The following CLSTN2 variants were observed in gnomAD, a reference collection of about 807,000 sequenced individuals.
CLSTN2 encodes calsyntenin 2.
In CLSTN2, 48 loss-of-function variants were observed where a neutral mutation model predicts 101.2. That is an observed-to-expected ratio of 0.47 (90% CI 0.38 to 0.60). The LOEUF (loss-of-function observed/expected upper bound fraction) is 0.60, where lower values mean the gene tolerates loss of function less well. CLSTN2 is among the 20% of genes least tolerant of loss of function. CLSTN2 has a pLI of 0.00. For synonymous variants in CLSTN2, 481 were observed against 463.6 expected, an observed-to-expected ratio of 1.04 and a Z score of -0.48; for missense variants, 1,160 against 1,238.2, an observed-to-expected ratio of 0.94 and a Z score of 0.95.
intron 9 of CLSTN2, among the ~76,000 whole-genome samples, chr3:140,533,376 C>G (rs1432136184): frequency 6.6e-6 from 1 of 152,176 alleles, no homozygotes. Context: ...GACTTTGACT[C>G]TTCACCATGA....
At chr3:140,528,647 T>C (rs1247169825) in intron 8 of CLSTN2, among the ~76,000 whole-genome samples, 1 of 120,684 alleles carries the variant, frequency 8.3e-6, no homozygotes, top group African/African-American at 4.1e-5. Flanking sequence ...AAAAAAAAGA[T>C]GAATGAATAG....
At chr3:139,954,127 A>G (rs1935346077) in intron 1 of CLSTN2, among the ~76,000 whole-genome samples, 1 of 151,824 alleles carries the variant, frequency 6.6e-6, no homozygotes, top group Non-Finnish European at 1.5e-5. Context: ...TCCCCCTCCA[A>G]CCCTCCATCC....
chr3:140,311,448 G>A (rs551089469), intron 2 of CLSTN2, among the ~76,000 whole-genome samples: 83 of 149,794 alleles, frequency 5.5e-4, no homozygotes, highest in Non-Finnish European at 9.8e-4. Flanking sequence ...TGGGATTACA[G>A]GTGTGTGCCA....
At chr3:139,975,268 T>C (rs1009753606) in intron 1 of CLSTN2, among the ~76,000 whole-genome samples, 1 of 151,978 alleles carries the variant, frequency 6.6e-6, no homozygotes, top group Non-Finnish European at 1.5e-5. Context: ...GATAGCACCT[T>C]GGGCAAAGTG....
intron 2 of CLSTN2, among the ~76,000 whole-genome samples, chr3:140,275,275 G>GA (rs1329580630): frequency 2.7e-5 from 1 of 36,476 alleles, no homozygotes; most frequent in Non-Finnish European, 8.5e-5. Flanking sequence ...CCCTTGGGAG[G>GA]AGTTTTTTTT....
At chr3:140,536,615 C>T (rs2107781736) in intron 9 of CLSTN2, among the ~76,000 whole-genome samples, 1 of 152,214 alleles carries the variant, frequency 6.6e-6, no homozygotes, top group East Asian at 1.9e-4. Flanking sequence ...AGATAGGAAC[C>T]TTATCATGCA....
intron 1 of CLSTN2, among the ~76,000 whole-genome samples, chr3:140,079,666 G>A (rs891252151): frequency 6.6e-6 from 1 of 151,678 alleles, no homozygotes; most frequent in African/African-American, 2.4e-5. Flanking sequence ...CAGGAGAATC[G>A]CTTGAACCCG....
At chr3:139,988,857 T>C (rs1936071995) in intron 1 of CLSTN2, among the ~76,000 whole-genome samples, 1 of 152,184 alleles carries the variant, frequency 6.6e-6, no homozygotes. Flanking sequence ...CAAATTCCAT[T>C]AGGAGTTTGT....
chr3:140,282,030 T>C (rs987043449), intron 2 of CLSTN2, among the ~76,000 whole-genome samples: 141 of 152,242 alleles, frequency 9.3e-4, no homozygotes, highest in African/African-American at 2.9e-3. Flanking sequence ...AGCCCAAAAC[T>C]GTATGTGTTT....
intron 10 of CLSTN2, among the ~76,000 whole-genome samples, chr3:140,551,850 A>G (rs1935710378): frequency 6.7e-6 from 1 of 148,938 alleles, no homozygotes; most frequent in Non-Finnish European, 1.5e-5. Flanking sequence ...TATATATTTT[A>G]GTGTATACAT....
chr3:140,020,263 T>A lies in CLSTN2; in HGVS notation c.109+84780T>A, dbSNP rs183745034. Among the ~76,000 whole-genome samples, 156 of 152,288 alleles carry A rather than the reference T, an allele frequency of 1.0e-3. 1 individual carries two copies. The highest frequency in any genetic ancestry group is 3.4e-3 in the African/African-American group (142 of 41,550). ...AGAACCCAGCATGGGTGTTCAACACTATCTGGTGACTCTGTGAGAAGACCC... is the reference window on the plus strand; with the variant it reads ...AGAACCCAGCATGGGTGTTCAACACAATCTGGTGACTCTGTGAGAAGACCC... On this transcript the variant is annotated intron_variant, in intron 1 of 16. Transcript: ENST00000458420.
At chr3:140,534,441 A>G (rs78316631) in intron 9 of CLSTN2, among the ~76,000 whole-genome samples, 4 of 152,244 alleles carry the variant, frequency 2.6e-5, no homozygotes, top group South Asian at 2.1e-4. Flanking sequence ...GCCCCACAAA[A>G]TAAAATGTGA....
intron 2 of CLSTN2, among the ~76,000 whole-genome samples, chr3:140,185,673 G>C (rs1236601472): frequency 6.6e-6 from 1 of 152,096 alleles, no homozygotes; most frequent in Admixed American, 6.6e-5. Flanking sequence ...AAAAGGATGG[G>C]GGTGCAGGGC....
intron 2 of CLSTN2, among the ~76,000 whole-genome samples, chr3:140,383,917 G>A (rs2088021887): frequency 6.6e-6 from 1 of 152,224 alleles, no homozygotes; most frequent in South Asian, 2.1e-4. Context: ...CAAAGCACCT[G>A]TAATACCAAT....
At chr3:140,472,414 A>G (rs567094) in intron 8 of CLSTN2, among the ~76,000 whole-genome samples, 152,127 of 152,340 alleles carry the variant, frequency 1, 75,958 homozygotes, top group Non-Finnish European at 1. Context: ...TCGGTTTCAC[A>G]GGGAGTCAAA....
chr3:140,146,272 C>G (rs2009779798), intron 1 of CLSTN2, among the ~76,000 whole-genome samples: 1 of 152,212 alleles, frequency 6.6e-6, no homozygotes, highest in South Asian at 2.1e-4. Context: ...AGTTGCTGAA[C>G]ACACAATAAG....
intron 2 of CLSTN2, among the ~76,000 whole-genome samples, chr3:140,189,877 G>A (rs1469339540): frequency 2.6e-5 from 4 of 152,050 alleles, no homozygotes; most frequent in African/African-American, 4.8e-5. Context: ...CATTGAAGCT[G>A]CCATAAAAAA....
At chr3:140,090,954 C>A (rs975531309) in intron 1 of CLSTN2, among the ~76,000 whole-genome samples, 1 of 152,112 alleles carries the variant, frequency 6.6e-6, no homozygotes, top group Non-Finnish European at 1.5e-5. Flanking sequence ...AGGTGTATTG[C>A]ATGTAGGTAG....
intron 13 of CLSTN2, 69 bp downstream of exon 13, chr3:140,562,377 G>A: frequency 7.0e-7 from 1 of 1,433,890 alleles, no homozygotes; most frequent in South Asian, 1.3e-5. Flanking sequence ...AGGGAGACAT[G>A]AGTGAGATTG....
Sources: gnomAD v4.1 joint callset for allele counts (sites outside exome capture counted in the v4.1 genomes callset) on GRCh38, gnomAD v4.1.1 for gene constraint, MANE v1.5 for transcripts, NCBI Gene and HGNC (gene_info 2026-07-23, HGNC 2026-07-21) for gene names.